The following EFTUD2 variants were observed in gnomAD, a reference collection of about 807,000 sequenced individuals.
EFTUD2 encodes the protein 116 kDa U5 small nuclear ribonucleoprotein component.
In EFTUD2, 9 loss-of-function variants were observed where a neutral mutation model predicts 114.3. The observed-to-expected ratio is 0.08, with a 90% CI of 0.05 to 0.14. EFTUD2 has a LOEUF of 0.14. Ranked by LOEUF, EFTUD2 falls within the 10% of genes least tolerant of loss-of-function variation. The pLI is 1.00. For synonymous variants in EFTUD2, 449 were observed against 462.3 expected (o/e 0.97, Z 0.37); for missense variants, 765 against 1,241.2 (o/e 0.62, Z 5.76).
chr17:44,875,031 C>T (rs776762518), intron 10 of EFTUD2, among the ~76,000 whole-genome samples: 7 of 151,992 alleles, frequency 4.6e-5, no homozygotes, highest in Non-Finnish European at 7.4e-5. Context: ...AAGTAATCTG[C>T]CCAACTTTAC....
chr17:44,897,033 G>A (rs1392110317), intron 1 of EFTUD2, among the ~76,000 whole-genome samples: 5 of 151,844 alleles, frequency 3.3e-5, no homozygotes, highest in African/African-American at 9.7e-5. Flanking sequence ...TGGCTAACAC[G>A]GTGAAACCCT....
intron 4 of EFTUD2, among the ~76,000 whole-genome samples, chr17:44,884,598 A>G (rs980186414): frequency 6.6e-6 from 1 of 152,042 alleles, no homozygotes; most frequent in African/African-American, 2.4e-5. Flanking sequence ...CCTTTTCAAA[A>G]TAAAGAGTTG....
Position 44,863,708 on chromosome 17 carries a change from T to C in EFTUD2, c.1360A>G (p.Thr454Ala). 1 of 1,614,194 alleles carries C rather than the reference T, an allele frequency of 6.2e-7. No homozygotes were observed. Among genetic ancestry groups the C allele is most frequent in the Admixed American group, 1.7e-5 (1 of 60,016 alleles). ...GAKPKIEHTY[T>A]GGVDSDLGEA... ...CCGAGGTCGGAGTCCACACCACCGG[T>C]GTAGGTGTGCTCAATCTTGGGCTTG... Residue 454 changes from threonine to alanine, a missense_variant, in exon 15 of 28, where the codon ACC becomes GCC. Transcript: ENST00000426333.
chr17:44,858,868 C>G lies in EFTUD2; in HGVS notation c.1962+212G>C, dbSNP rs551265340. 3.5e-4 allele frequency among the ~76,000 whole-genome samples: 53 copies of G among 152,206 alleles called. 1 individual carries two copies. Among genetic ancestry groups the G allele is most frequent in the African/African-American group, 1.2e-3 (48 of 41,530 alleles). The stretch of plus-strand genomic sequence containing the variant: ...CTCCCAAAGTGCTGGGAGTGAGCCA[C>G]CAAGCACGGCTGAGCCTTGATTTTA... On this transcript the variant is annotated intron_variant, in intron 19 of 27. Coordinates refer to ENST00000426333, the MANE Select transcript of EFTUD2 (RefSeq NM_004247.4).
rs1396058823 is a variant in EFTUD2, at chr17:44,862,774, G to A, written c.1546C>T (p.Leu516=). 6 of 1,614,050 alleles carry A rather than the reference G, an allele frequency of 3.7e-6. No individual in the cohort carries two copies. Among genetic ancestry groups the A allele is most frequent in the African/African-American group, 2.7e-5 (2 of 74,916 alleles). ...ATCTGGGAGTCTTCCTCATCCTCCA[G>A]GGTGTAGTTCTCCCCCAGTACCTTC... ...PVKVLGENYT[L]EDEEDSQICT... is the part of the protein sequence containing the mutation. The change falls in exon 16 of 28, where the codon CTG becomes TTG. Residue 516 remains leucine (L), a synonymous_variant. Transcript: ENST00000426333.
intron 9 of EFTUD2, among the ~76,000 whole-genome samples, chr17:44,878,487 T>C (rs2051010931): frequency 2.0e-5 from 3 of 152,146 alleles, no homozygotes. Context: ...TAACGGAAAT[T>C]GTTGGTATGA....
chr17:44,856,875 C>T (rs932482162), intron 20 of EFTUD2, among the ~76,000 whole-genome samples, 200 bp downstream of exon 20: 2 of 152,046 alleles, frequency 1.3e-5, no homozygotes, highest in Admixed American at 1.3e-4. Flanking sequence ...ATACCCAAGG[C>T]GAATAATCCC....
chr17:44,850,146 A>G lies in EFTUD2; in HGVS notation c.*1128T>C, dbSNP rs559652672. On this transcript the variant is annotated 3_prime_UTR_variant, in exon 28 of 28. Coordinates refer to ENST00000426333, the MANE Select transcript of EFTUD2 (RefSeq NM_004247.4). ...GTGAAAGTGTTTCGTGAACTGTCAG[A>G]TAAGTGGTTTCCCCAGGTTGTGTGG... is the stretch of plus-strand genomic sequence containing the variant. 1.8e-5 allele frequency: 10 copies of G among 560,050 alleles called. No individual in the cohort carries two copies. Among genetic ancestry groups the G allele is most frequent in the Admixed American group, 6.0e-5 (2 of 33,382 alleles). 34.7% of individuals were successfully genotyped at this position (560,050 alleles called of 1,614,324 possible).
At chr17:44,898,873 T>C (rs2145597063) in intron 1 of EFTUD2, 1 of 152,218 alleles carries the variant, frequency 6.6e-6, no homozygotes, top group East Asian at 1.9e-4. Flanking sequence ...GACTAAGCCC[T>C]CAATAAGTAT....
intron 11 of EFTUD2, among the ~76,000 whole-genome samples, chr17:44,869,776 T>C (rs559231695): frequency 1.3e-5 from 2 of 152,304 alleles, no homozygotes; most frequent in African/African-American, 4.8e-5. Flanking sequence ...CTCCAAGCCA[T>C]TGAGGCTGAG....
chr17:44,850,422 C>A lies in EFTUD2; in HGVS notation c.*852G>T. On this transcript the variant is annotated 3_prime_UTR_variant, in exon 28 of 28. Transcript: ENST00000426333. ...GACTCCTATAGGAGCCGGGGCTGTC[C>A]AACTCCCCTAACTCAATCCCTGGTA... is the stretch of plus-strand genomic sequence containing the variant. 6.4e-7 allele frequency: 1 copy of A among 1,560,236 alleles called. No homozygotes were observed. The highest frequency in any genetic ancestry group is 8.8e-7 in the Non-Finnish European group (1 of 1,133,742).
intron 5 of EFTUD2, 61 bp from the exon 6 acceptor site, chr17:44,883,219 C>T: frequency 2.7e-6 from 4 of 1,505,162 alleles, no homozygotes; most frequent in Non-Finnish European, 3.7e-6. Flanking sequence ...TGTGCCCTTC[C>T]CCCAGCTCCC....
intron 6 of EFTUD2, 181 bp from the exon 7 acceptor site, chr17:44,881,903 A>G (rs2051079125): frequency 1.7e-6 from 1 of 600,622 alleles, no homozygotes; most frequent in African/African-American, 1.9e-5. Context: ...CCCAGCTGGA[A>G]ATGCTCCTGG....
intron 1 of EFTUD2, among the ~76,000 whole-genome samples, chr17:44,896,705 T>TA (rs1177416871): frequency 5.9e-5 from 9 of 152,120 alleles, no homozygotes; most frequent in Admixed American, 4.6e-4. Context: ...TCACCAACTA[T>TA]AGTTTATAAG....
chr17:44,850,285 G>C lies in EFTUD2; in HGVS notation c.*989C>G. Reference sequence around the variant, plus strand: ...AGGACGCCTGAGAGCCAGAGGACGGGTGAAGGGTTTGATGCCAAGGGGCAT... The same window carrying C: ...AGGACGCCTGAGAGCCAGAGGACGGCTGAAGGGTTTGATGCCAAGGGGCAT... On this transcript the variant is annotated 3_prime_UTR_variant, in exon 28 of 28. Coordinates refer to ENST00000426333, the MANE Select transcript of EFTUD2 (RefSeq NM_004247.4). 6.6e-7 allele frequency: 1 copy of C among 1,519,594 alleles called. No homozygotes were observed. Among genetic ancestry groups the C allele is most frequent in the South Asian group, 1.2e-5 (1 of 85,730 alleles). 94.1% of individuals were successfully genotyped at this position (1,519,594 alleles called of 1,614,324 possible). A position where few individuals can be genotyped will look rare whatever the true frequency, so the allele number is the denominator to read the frequency against.
At chr17:44,885,994 T>A (rs1437372724) in intron 3 of EFTUD2, among the ~76,000 whole-genome samples, 1 of 151,418 alleles carries the variant, frequency 6.6e-6, no homozygotes, top group Non-Finnish European at 1.5e-5. Flanking sequence ...CCCAGCTCTT[T>A]GGGAGGACAG....
intron 16 of EFTUD2, among the ~76,000 whole-genome samples, chr17:44,861,898 A>G (rs565184418): frequency 6.6e-6 from 1 of 152,338 alleles, no homozygotes; most frequent in Non-Finnish European, 1.5e-5. Context: ...AACCAAATTC[A>G]TAAACTGACA....
At chr17:44,860,594 A>C in intron 16 of EFTUD2, 51 bp from the exon 17 acceptor site, 2 of 1,007,012 alleles carry the variant, frequency 2.0e-6, no homozygotes, top group Non-Finnish European at 2.9e-6. Flanking sequence ...AGCATTCCCT[A>C]ATTTTTTTTT....
intron 2 of EFTUD2, chr17:44,891,791 T>TTA (rs1355003939): frequency 1.9e-4 from 29 of 152,276 alleles, no homozygotes; most frequent in African/African-American, 6.5e-4. Flanking sequence ...ACGATCAATT[T>TTA]TAGATCATTT....
Sources: gnomAD v4.1 joint callset for allele counts (sites outside exome capture counted in the v4.1 genomes callset) on GRCh38, gnomAD v4.1.1 for gene constraint, MANE v1.5 for transcripts, NCBI Gene and HGNC (gene_info 2026-07-23, HGNC 2026-07-21) for gene names.